The following PLEKHG4B variants were observed in gnomAD, a reference collection of about 807,000 sequenced individuals.
The protein encoded by PLEKHG4B is pleckstrin homology and RhoGEF domain containing G4B, also known as pleckstrin homology domain-containing family G member 4B.
Under a neutral mutation model 121.3 loss-of-function variants are expected in PLEKHG4B, and 111 were observed. The ratio of observed to expected loss-of-function variants is 0.92; its 90% CI spans 0.78 to 1.07. PLEKHG4B has a LOEUF of 1.07. Ranked by LOEUF, PLEKHG4B falls within the 50% of genes least tolerant of loss-of-function variation. The pLI is 0.00. For synonymous variants in PLEKHG4B, 738 were observed against 725.0 expected, an observed-to-expected ratio of 1.02 and a Z score of -0.29; for missense variants, 1,831 against 1,757.8, an observed-to-expected ratio of 1.04 and a Z score of -0.74.
intron 2 of PLEKHG4B, among the ~76,000 whole-genome samples, chr5:120,099 CTT>C (rs1734424969): frequency 6.6e-6 from 1 of 152,084 alleles, no homozygotes; most frequent in South Asian, 2.1e-4. Flanking sequence ...TTTTCTAAAA[CTT>C]AACCAGTCAT....
At chr5:126,295 A>G (rs1734611398) in intron 2 of PLEKHG4B, among the ~76,000 whole-genome samples, 1 of 152,072 alleles carries the variant, frequency 6.6e-6, no homozygotes, top group South Asian at 2.1e-4. Flanking sequence ...GCCTGCTCAA[A>G]TCCACCTTTG....
intron 2 of PLEKHG4B, among the ~76,000 whole-genome samples, chr5:124,987 G>A (rs2126373420): frequency 6.6e-6 from 1 of 152,236 alleles, no homozygotes; most frequent in East Asian, 1.9e-4. Flanking sequence ...ACAAAAATTA[G>A]CTGGGTGTGG....
At chr5:126,399 T>A (rs886556261) in intron 2 of PLEKHG4B, among the ~76,000 whole-genome samples, 1 of 152,238 alleles carries the variant, frequency 6.6e-6, no homozygotes, top group African/African-American at 2.4e-5. Context: ...TCTTTGTTGA[T>A]ATTTTCACTT....
intron 13 of PLEKHG4B, among the ~76,000 whole-genome samples, chr5:164,095 G>C (rs1468889903): frequency 6.6e-6 from 1 of 152,272 alleles, no homozygotes; most frequent in Non-Finnish European, 1.5e-5. Flanking sequence ...GGTACTGGTC[G>C]TGAGGGCTAG....
chr5:116,731 G>T (rs1734318783), intron 2 of PLEKHG4B, among the ~76,000 whole-genome samples: 1 of 152,152 alleles, frequency 6.6e-6, no homozygotes, highest in Admixed American at 6.5e-5. Context: ...TTGAATTAGG[G>T]CGTTGTTTTG....
rs755432494 is a variant in PLEKHG4B, at chr5:143,406, G to A, written c.1714G>A (p.Val572Met). Residue 572 changes from valine to methionine, a missense_variant, in exon 5 of 20, where the codon GTG (valine) becomes ATG (methionine). Val to Met is a conservative substitution (Grantham distance 21, BLOSUM62 1). Coordinates refer to ENST00000637938, the MANE Select transcript of PLEKHG4B (RefSeq NM_052909.5). ...PGTRDRHGRA[V>M]VQVRTRSLLW... ...GACCCGAGACCGTCATGGCAGAGCA[G>A]TGGTGCAGGTCCGCACCAGGAGCCT... 6.2e-7 allele frequency: 1 copy of A among 1,612,830 alleles called. No individual in the cohort carries two copies. The highest frequency in any genetic ancestry group is 1.1e-5 in the South Asian group (1 of 91,088).
rs539055948 is a variant in PLEKHG4B, at chr5:162,835, C to T, written c.2763C>T (p.Pro921=). The T allele has an allele frequency of 4.8e-5, 73 of 1,512,158 alleles. No homozygotes were observed. Among genetic ancestry groups the T allele is most frequent in the Admixed American group, 2.4e-4 (11 of 45,094 alleles). 93.7% of individuals were successfully genotyped at this position (1,512,158 alleles called of 1,614,324 possible). A position where few individuals can be genotyped will look rare whatever the true frequency, so the allele number is the denominator to read the frequency against. Residue 921 remains proline, a synonymous_variant, in exon 13 of 20, where the codon CCC becomes CCT. Transcript: ENST00000637938. ...CCTCGGTGGCTGCAGAGGCCTTCCC[C>T]GGGGCAGGTGTGGCAGTGCTGAAGC... ...EATSVAAEAF[P]GAGVAVLKPH...
chr5:178,230 G>A (rs2126464623), intron 18 of PLEKHG4B, among the ~76,000 whole-genome samples: 1 of 152,332 alleles, frequency 6.6e-6, no homozygotes, highest in African/African-American at 2.4e-5. Flanking sequence ...GGACCATCAG[G>A]AAACGCCCTC....
intron 18 of PLEKHG4B, among the ~76,000 whole-genome samples, chr5:176,253 CCTTTTTCCTTCCTTTGT>C (rs1216877128): frequency 5.2e-5 from 7 of 133,984 alleles, no homozygotes; most frequent in South Asian, 2.8e-4. Flanking sequence ...GCCTTCCTGG[CCTTTTTCCTTCCTTTGT>C]AACCCACGGT....
rs1735782498 is a variant in PLEKHG4B at position 156,372 on chromosome 5, C to T, written c.2348+162C>T. ...ACGCTTTGCCTGGGTCAGAGCTTTT[C>T]CACATTTACAGGCTCCAAAGATCAA... On this transcript the variant is annotated intron_variant, in intron 10 of 19. Coordinates refer to ENST00000637938, the MANE Select transcript of PLEKHG4B (RefSeq NM_052909.5). This position sits in a 1 kb window ranked among gnomAD's most constrained non-coding sequence, Gnocchi z 4.4. Among the ~76,000 whole-genome samples the T allele has an allele frequency of 6.6e-6, 1 of 151,168 alleles. No homozygotes were observed. The highest frequency in any genetic ancestry group is 2.2e-4 in the South Asian group (1 of 4,644).
rs73732942 is a variant in PLEKHG4B at position 173,077 on chromosome 5, G to A, written c.4221+10G>A. ...CAAGCAGTCCTTCAAGGTAGCACCC[G>A]CCCGGTCCGATTGGGTGCAGGCCGA... is the stretch of plus-strand genomic sequence containing the variant. On this transcript the variant is annotated intron_variant, in intron 17 of 19. Coordinates refer to ENST00000637938, the MANE Select transcript of PLEKHG4B (RefSeq NM_052909.5). 3.2e-3 allele frequency: 5,105 copies of A among 1,612,968 alleles called. 142 individuals carry two copies. The African/African-American group carries it at 0.059, about 19-fold the overall frequency.
At chr5:121,192 AG>A (rs1734457645) in intron 2 of PLEKHG4B, among the ~76,000 whole-genome samples, 1 of 151,946 alleles carries the variant, frequency 6.6e-6, no homozygotes, top group Non-Finnish European at 1.5e-5. Context: ...GCTTGCAGTG[AG>A]CCGAGATCGT....
chr5:116,644 G>A (rs1734316718), intron 2 of PLEKHG4B, among the ~76,000 whole-genome samples: 1 of 152,198 alleles, frequency 6.6e-6, no homozygotes, highest in South Asian at 2.1e-4. Flanking sequence ...GTGTTGCAGC[G>A]AGCTGCTGGA....
chr5:117,937 G>A (rs1734351956), intron 2 of PLEKHG4B, among the ~76,000 whole-genome samples: 1 of 152,048 alleles, frequency 6.6e-6, no homozygotes, highest in South Asian at 2.1e-4. Flanking sequence ...AAGTGAGCTG[G>A]GAATTAGAAT....
At position 184,473 on chromosome 5, in the gene PLEKHG4B, A is replaced by G. The variant is rs886826537; in HGVS notation, c.*2150A>G. ...CCAAATTCACATTCTGTACCTGACA[A>G]AATCTTTCCGAAGCGATGGTGACAT... On this transcript the variant is annotated 3_prime_UTR_variant, in exon 20 of 20. Coordinates refer to ENST00000637938, the MANE Select transcript of PLEKHG4B (RefSeq NM_052909.5). 1.3e-5 allele frequency: 2 copies of G among 152,236 alleles called. No homozygotes were observed. Among genetic ancestry groups the G allele is most frequent in the African/African-American group, 4.8e-5 (2 of 41,464 alleles). The allele number at this position is 152,236 out of a possible 1,614,324, so 9.4% of individuals were successfully genotyped here.
intron 7 of PLEKHG4B, 101 bp downstream of exon 7, chr5:151,700 T>A (rs1735611828): frequency 8.2e-6 from 6 of 732,994 alleles, no homozygotes; most frequent in Non-Finnish European, 1.3e-5. Flanking sequence ...AAGTTCTAAT[T>A]GCATCCATGT....
intron 19 of PLEKHG4B, 37 bp from the exon 20 acceptor site, chr5:181,967 C>A (rs141073451): frequency 1.9e-6 from 3 of 1,590,162 alleles, no homozygotes; most frequent in Non-Finnish European, 1.7e-6. Flanking sequence ...ACTTCTGGAG[C>A]GGAAGCCAGC....
intron 13 of PLEKHG4B, among the ~76,000 whole-genome samples, 171 bp downstream of exon 13, chr5:163,719 T>C (rs939808298): frequency 5.3e-5 from 8 of 152,136 alleles, no homozygotes; most frequent in Admixed American, 1.3e-4. Context: ...TAGATATGAG[T>C]TACCTGCCCC....
chr5:148,306 TG>T (rs1393075382), intron 6 of PLEKHG4B, among the ~76,000 whole-genome samples: 8 of 146,768 alleles, frequency 5.5e-5, no homozygotes, highest in Non-Finnish European at 1.5e-5. Flanking sequence ...TATTCCCAGA[TG>T]ATGTGATCTT....
Sources: gnomAD v4.1 joint callset for allele counts (sites outside exome capture counted in the v4.1 genomes callset) on GRCh38, gnomAD v4.1.1 for gene constraint, Gnocchi (gnomAD v3.1) non-coding constraint, MANE v1.5 for transcripts, NCBI Gene and HGNC (gene_info 2026-07-23, HGNC 2026-07-21) for gene names.